The following KLHL1 variants were observed in gnomAD, a reference collection of about 807,000 sequenced individuals.
The protein encoded by KLHL1 is kelch like family member 1, also known as kelch-like protein 1.
In KLHL1, 47 loss-of-function variants were observed where a neutral mutation model predicts 77.7. The ratio of observed to expected loss-of-function variants is 0.60; its 90% CI spans 0.48 to 0.77. The LOEUF is 0.77. Among genes scored for constraint, KLHL1 ranks in the 30% least tolerant of loss-of-function variants. KLHL1 has a pLI of 0.00. For missense variants in KLHL1, 925 were observed against 910.8 expected (o/e 1.02, Z -0.20); for synonymous variants, 360 against 325.2 (o/e 1.11, Z -1.15).
intron 9 of KLHL1, among the ~76,000 whole-genome samples, chr13:69,717,966 A>G (rs1258646628): frequency 6.6e-6 from 1 of 152,156 alleles, no homozygotes; most frequent in Non-Finnish European, 1.5e-5. Flanking sequence ...ACAGAGTGGC[A>G]ATATTGGTAA....
chr13:69,952,973 T>G (rs1315167240), intron 3 of KLHL1, among the ~76,000 whole-genome samples: 2 of 151,370 alleles, frequency 1.3e-5, no homozygotes, highest in African/African-American at 4.8e-5. Context: ...AAAATAATGT[T>G]TTCAAAGATG....
rs35184766 is a variant in KLHL1 at position 70,039,056 on chromosome 13, ATTTTTTT to A, written c.498-63261_498-63255del. 2.5e-3 allele frequency among the ~76,000 whole-genome samples: 312 copies of A among 124,694 alleles called. 4 individuals are homozygous for A. The East Asian group carries it at 0.051, about 20-fold the overall frequency. The allele number at this position is 124,694 out of a possible 152,430, so 81.8% of individuals were successfully genotyped here. ...CTCTTATTCCATATATCCTTTGCAC[ATTTTTTT>A]TTTTTTTTTTTTGTAATGGACAGGG... On this transcript the variant is annotated intron_variant, in intron 1 of 10. Coordinates refer to ENST00000377844, the MANE Select transcript of KLHL1 (RefSeq NM_020866.3).
chr13:70,032,281 C>T (rs546463735), intron 1 of KLHL1, among the ~76,000 whole-genome samples: 2 of 152,084 alleles, frequency 1.3e-5, no homozygotes, highest in Non-Finnish European at 2.9e-5. Flanking sequence ...ACAAAATCCC[C>T]GAAGTCCAAA....
intron 1 of KLHL1, among the ~76,000 whole-genome samples, chr13:70,083,514 G>A (rs527771526): frequency 7.9e-5 from 12 of 152,052 alleles, no homozygotes; most frequent in Non-Finnish European, 1.5e-4. Flanking sequence ...TTAGACTAGT[G>A]ATATACTTAT....
chr13:69,966,627 C>T (rs1047754130), intron 2 of KLHL1, among the ~76,000 whole-genome samples: 3 of 151,972 alleles, frequency 2.0e-5, no homozygotes, highest in Admixed American at 6.6e-5. Context: ...TTTATTTGTA[C>T]AGATTTTTGC....
chr13:69,939,569 G>A (rs983222375), intron 4 of KLHL1, among the ~76,000 whole-genome samples: 1 of 151,482 alleles, frequency 6.6e-6, no homozygotes, highest in African/African-American at 2.4e-5. Flanking sequence ...GATATGCCTG[G>A]GGCAATTTTG....
intron 4 of KLHL1, among the ~76,000 whole-genome samples, chr13:69,925,503 G>A (rs994432306): frequency 2.0e-5 from 3 of 151,988 alleles, no homozygotes; most frequent in Non-Finnish European, 1.5e-5. Flanking sequence ...TTATAAATAA[G>A]ACACATATAT....
intron 1 of KLHL1, among the ~76,000 whole-genome samples, chr13:70,100,398 CA>C (rs1235894576): frequency 6.6e-6 from 1 of 151,962 alleles, no homozygotes; most frequent in Non-Finnish European, 1.5e-5. Context: ...AAGCTTGCTA[CA>C]TTTTTTTGTC....
chr13:70,021,197 C>G (rs1885782011), intron 1 of KLHL1, among the ~76,000 whole-genome samples: 1 of 152,018 alleles, frequency 6.6e-6, no homozygotes, highest in Non-Finnish European at 1.5e-5. Context: ...ATCCTGCCTC[C>G]CCCATCTTCT....
chr13:69,927,511 G>A (rs1882854852), intron 4 of KLHL1, among the ~76,000 whole-genome samples: 3 of 152,092 alleles, frequency 2.0e-5, no homozygotes, highest in Admixed American at 6.5e-5. Context: ...AAATCATATA[G>A]TTGATACGAG....
intron 7 of KLHL1, among the ~76,000 whole-genome samples, chr13:69,758,939 A>G (rs2137961711): frequency 6.6e-6 from 1 of 152,296 alleles, no homozygotes; most frequent in African/African-American, 2.4e-5. Context: ...AATAAGTTTG[A>G]AACGATGACA....
chr13:70,062,503 T>G (rs1886914796), intron 1 of KLHL1, among the ~76,000 whole-genome samples: 1 of 152,198 alleles, frequency 6.6e-6, no homozygotes, highest in African/African-American at 2.4e-5. Flanking sequence ...ACTTCAAATG[T>G]TCACATATAA....
At chr13:69,885,709 T>C (rs77795185) in intron 4 of KLHL1, among the ~76,000 whole-genome samples, 2,437 of 152,262 alleles carry the variant, frequency 0.016, 68 homozygotes, top group African/African-American at 0.055. Context: ...TTAGGTTTAT[T>C]CAATCAACCA....
At chr13:70,019,282 G>C (rs1396208544) in intron 1 of KLHL1, among the ~76,000 whole-genome samples, 1 of 152,148 alleles carries the variant, frequency 6.6e-6, no homozygotes, top group Non-Finnish European at 1.5e-5. Context: ...GAAAACTCGG[G>C]TGAGCCTGGG....
At chr13:69,921,586 T>A (rs1430906682) in intron 4 of KLHL1, among the ~76,000 whole-genome samples, 2 of 152,190 alleles carry the variant, frequency 1.3e-5, no homozygotes, top group Non-Finnish European at 2.9e-5. Flanking sequence ...AACCTTCAAA[T>A]CCTAACCCTC....
chr13:69,829,210 C>T (rs1878665464), intron 6 of KLHL1, among the ~76,000 whole-genome samples: 2 of 150,010 alleles, frequency 1.3e-5, no homozygotes, highest in South Asian at 4.2e-4. Flanking sequence ...ACTTCACTCC[C>T]CTACTACCTC....
intron 4 of KLHL1, among the ~76,000 whole-genome samples, chr13:69,901,329 C>G (rs1325502317): frequency 6.6e-6 from 1 of 152,108 alleles, no homozygotes; most frequent in Non-Finnish European, 1.5e-5. Context: ...GCACTTTAAC[C>G]TAAGTCACCT....
At chr13:70,073,588 C>G (rs968473267) in intron 1 of KLHL1, among the ~76,000 whole-genome samples, 7 of 151,768 alleles carry the variant, frequency 4.6e-5, no homozygotes, top group African/African-American at 1.7e-4. Context: ...TAGCCCAGGC[C>G]ATCACAGTGA....
At chr13:70,008,305 C>A (rs574733274) in intron 1 of KLHL1, among the ~76,000 whole-genome samples, 1 of 152,114 alleles carries the variant, frequency 6.6e-6, no homozygotes, top group Admixed American at 6.5e-5. Flanking sequence ...GGAAAAACTT[C>A]AAGTTGTTTC....
Sources: gnomAD v4.1 joint callset for allele counts (sites outside exome capture counted in the v4.1 genomes callset) on GRCh38, gnomAD v4.1.1 for gene constraint, MANE v1.5 for transcripts, NCBI Gene and HGNC (gene_info 2026-07-23, HGNC 2026-07-21) for gene names.